ARHGEF19: variants seen among roughly 807,000 people sequenced by gnomAD.
ARHGEF19 encodes the protein Rho guanine nucleotide exchange factor (GEF) 19.
A neutral mutation model predicts 87.6 loss-of-function variants in ARHGEF19; 92 were observed. That is an observed-to-expected ratio of 1.05 (90% CI 0.89 to 1.25). The LOEUF (loss-of-function observed/expected upper bound fraction) is 1.25, where lower values mean the gene tolerates loss of function less well. Ranked by LOEUF, ARHGEF19 falls within the 50% of genes most tolerant of loss-of-function variation. ARHGEF19 has a pLI of 0.00. For synonymous variants in ARHGEF19, 438 were observed against 446.2 expected (o/e 0.98, Z 0.23); for missense variants, 1,054 against 1,051.8 (o/e 1.00, Z -0.03).
Position 16,199,161 on chromosome 1 carries a change from C to T in ARHGEF19, c.2240G>A (p.Trp747Ter), listed in dbSNP as rs1364428414. 8 of 1,613,918 alleles carry T rather than the reference C, an allele frequency of 5.0e-6. No individual in the cohort carries two copies. The South Asian group carries it at 7.7e-5, about 16-fold the overall frequency. Reference sequence around the variant, plus strand: ...GGAGGCCCCCTCACCGTCACTGGTCCAGGTCCTCACTGACAGGATGTCAGT... The same window carrying T: ...GGAGGCCCCCTCACCGTCACTGGTCTAGGTCCTCACTGACAGGATGTCAGT... ...EKTDILSVRTWTSDGWLEGVR... is the reference protein window; with the variant it reads ...EKTDILSVRT The change falls in exon 15 of 16, where the codon TGG (tryptophan) becomes TAG (stop). Residue 747 changes from tryptophan (W) to a stop codon, truncating the protein, a stop_gained. Coordinates refer to ENST00000270747, the MANE Select transcript of ARHGEF19 (RefSeq NM_153213.5). LOFTEE classifies it high-confidence loss of function.
At chr1:16,203,963 A>G (rs1390427553) in intron 12 of ARHGEF19, among the ~76,000 whole-genome samples, 1 of 152,236 alleles carries the variant, frequency 6.6e-6, no homozygotes, top group Admixed American at 6.5e-5. Context: ...TACAGAACAG[A>G]GATTCAGTGA....
In ARHGEF19 at chr1:16,206,938, G is replaced by T; in HGVS notation, c.1137+10C>A. 3 of 1,364,684 alleles carry T rather than the reference G, an allele frequency of 2.2e-6. No homozygotes were observed. The highest frequency in any genetic ancestry group is 2.8e-6 in the Non-Finnish European group (3 of 1,059,248). 84.5% of individuals were successfully genotyped at this position (1,364,684 alleles called of 1,614,324 possible). On this transcript the variant is annotated intron_variant, in intron 6 of 15. Transcript: ENST00000270747. The surrounding 1 kb of genome is among the most constrained non-coding windows in gnomAD (Gnocchi z 4.6). ...CGCCCCCGCCCCGCCGGGTCCCCGCGCGCGCCCACCTCCTGCAGCTTGCAG... is the reference window on the plus strand; with the variant it reads ...CGCCCCCGCCCCGCCGGGTCCCCGCTCGCGCCCACCTCCTGCAGCTTGCAG...
At chr1:16,203,466 C>A (rs1204243084) in intron 12 of ARHGEF19, among the ~76,000 whole-genome samples, 1 of 152,162 alleles carries the variant, frequency 6.6e-6, no homozygotes, top group Non-Finnish European at 1.5e-5. Flanking sequence ...CTCTCCTGAG[C>A]AACTGCAAGA....
At chr1:16,210,425 A>T (rs2081188821) in intron 1 of ARHGEF19, among the ~76,000 whole-genome samples, 1 of 152,232 alleles carries the variant, frequency 6.6e-6, no homozygotes, top group African/African-American at 2.4e-5. Context: ...GAGCCAGGAA[A>T]TGAAGACTGA....
intron 14 of ARHGEF19, among the ~76,000 whole-genome samples, chr1:16,199,979 A>G (rs1340600567): frequency 6.6e-6 from 1 of 152,110 alleles, no homozygotes; most frequent in South Asian, 2.1e-4. Context: ...TCCTTCTGCC[A>G]GATGCTCTTC....
rs756420038 is a variant in ARHGEF19 at position 16,202,423 on chromosome 1, G to A, written c.2059C>T (p.Arg687Trp). ...ATATCCAGGCCCACTCACTCCGTCC[G>A]GGCCCGCAGCAGGAACTGGTGCTTC... is the stretch of plus-strand genomic sequence containing the variant. ...HMKHQFLLRA[R>W]TESEKQRWIS... The change falls in exon 13 of 16, where the codon CGG becomes TGG. Residue 687 changes from arginine to tryptophan, a missense_variant. Transcript: ENST00000270747. 1.1e-5 allele frequency: 17 copies of A among 1,612,578 alleles called. No homozygotes were observed. The highest frequency in any genetic ancestry group is 1.7e-4 in the Middle Eastern group (1 of 5,974).
rs2081125656 is a variant in ARHGEF19 at position 16,205,754 on chromosome 1, GC to G, written c.1452-88del. 4.0e-6 allele frequency: 6 copies of G among 1,511,964 alleles called. No individual in the cohort carries two copies. The South Asian group carries it at 6.3e-5, about 16-fold the overall frequency. 93.7% of individuals were successfully genotyped at this position (1,511,964 alleles called of 1,614,324 possible). Reference sequence around the variant, plus strand: ...TGGCCATCCACGGGGTCCTCAGGGGGCTTCTCAGCACATCCTTACTGCCCTT... The same window carrying G: ...TGGCCATCCACGGGGTCCTCAGGGGGTTCTCAGCACATCCTTACTGCCCTT... On this transcript the variant is annotated intron_variant, in intron 8 of 15. Transcript: ENST00000270747. This position sits in a 1 kb window ranked among gnomAD's most constrained non-coding sequence, Gnocchi z 5.8.
Position 16,206,506 on chromosome 1 carries a change from G to A in ARHGEF19, c.1138-166C>T. ...GGCCCGGCGACCCACGTCCCGCCGC[G>A]GGAAATTGTGCAAGCCTTTCCTGTC... On this transcript the variant is annotated intron_variant, in intron 6 of 15. Transcript: ENST00000270747. The surrounding 1 kb of genome is among the most constrained non-coding windows in gnomAD (Gnocchi z 4.6). 1 of 715,952 alleles carries A rather than the reference G, an allele frequency of 1.4e-6. No homozygotes were observed. The highest frequency in any genetic ancestry group is 2.4e-6 in the Non-Finnish European group (1 of 424,856). The allele number at this position is 715,952 out of a possible 1,614,324, so 44.3% of individuals were successfully genotyped here. A position where few individuals can be genotyped will look rare whatever the true frequency, so the allele number is the denominator to read the frequency against.
intron 14 of ARHGEF19, among the ~76,000 whole-genome samples, chr1:16,200,619 C>T (rs2081076753): frequency 6.6e-6 from 1 of 152,186 alleles, no homozygotes. Flanking sequence ...TGGCAGGCGC[C>T]TATAATCCCA....
chr1:16,209,909 G>A (rs1219103539), intron 1 of ARHGEF19, among the ~76,000 whole-genome samples: 2 of 152,240 alleles, frequency 1.3e-5, no homozygotes, highest in African/African-American at 2.4e-5. Flanking sequence ...GGGCCTTCTC[G>A]AAGTTCAAAG....
chr1:16,202,394 T>C (rs764613349), intron 13 of ARHGEF19, 22 bp downstream of exon 13: 43 of 1,589,168 alleles, frequency 2.7e-5, no homozygotes, highest in Non-Finnish European at 3.7e-5. Flanking sequence ...GCCTCCTCTC[T>C]CCCATATCCA....
At chr1:16,203,656 G>T (rs769896012) in intron 12 of ARHGEF19, among the ~76,000 whole-genome samples, 1 of 151,996 alleles carries the variant, frequency 6.6e-6, no homozygotes, top group Non-Finnish European at 1.5e-5. Flanking sequence ...GCCACATTAG[G>T]CTTCATGATT....
intron 14 of ARHGEF19, among the ~76,000 whole-genome samples, chr1:16,200,239 G>A (rs953706298): frequency 3.3e-5 from 5 of 152,240 alleles, no homozygotes; most frequent in African/African-American, 1.2e-4. Flanking sequence ...CTTACTGGCT[G>A]TGTGACCAAT....
At chr1:16,202,926 G>C (rs555041536) in intron 12 of ARHGEF19, among the ~76,000 whole-genome samples, 1 of 152,142 alleles carries the variant, frequency 6.6e-6, no homozygotes, top group East Asian at 1.9e-4. Context: ...TCCCAGGCTG[G>C]AGTGCAGTGG....
Position 16,206,888 on chromosome 1 carries a change from TCCCCGGACCGCGTACTCCCCGGCCCGC to T in ARHGEF19, c.1137+33_1137+59del. 5 of 1,398,408 alleles carry T rather than the reference TCCCCGGACCGCGTACTCCCCGGCCCGC, an allele frequency of 3.6e-6. No individual in the cohort carries two copies. Among genetic ancestry groups the T allele is most frequent in the Non-Finnish European group, 4.6e-6 (5 of 1,086,132 alleles). The allele number at this position is 1,398,408 out of a possible 1,614,324, so 86.6% of individuals were successfully genotyped here. On this transcript the variant is annotated intron_variant, in intron 6 of 15. Coordinates refer to ENST00000270747, the MANE Select transcript of ARHGEF19 (RefSeq NM_153213.5). This position sits in a 1 kb window ranked among gnomAD's most constrained non-coding sequence, Gnocchi z 4.6. The stretch of plus-strand genomic sequence containing the variant: ...CCTCTATGGCCCGGTTCCCGCTAAG[TCCCCGGACCGCGTACTCCCCGGCCCGC>T]CCCCGCCCCGCCGGGTCCCCGCGCG...
intron 12 of ARHGEF19, among the ~76,000 whole-genome samples, chr1:16,203,130 A>T (rs1382878118): frequency 6.6e-6 from 1 of 152,148 alleles, no homozygotes; most frequent in Non-Finnish European, 1.5e-5. Context: ...TCAGTGTCTG[A>T]TGATACTGCC....
In ARHGEF19 at chr1:16,206,301, GGAT is replaced by G; in HGVS notation, c.1174_1176del (p.Ile392del). On this transcript the variant is annotated inframe_deletion, in exon 7 of 16. Transcript: ENST00000270747. The surrounding 1 kb of genome is among the most constrained non-coding windows in gnomAD (Gnocchi z 4.6). Reference sequence around the variant, plus strand: ...TGGCCCACAGCCACCGACAGGCTGTGGATGTAGGAGGCCTCGGAGGTGATCAGC... The same window carrying G: ...TGGCCCACAGCCACCGACAGGCTGTGGTAGGAGGCCTCGGAGGTGATCAGC... 1 of 1,582,682 alleles carries G rather than the reference GGAT, an allele frequency of 6.3e-7. No homozygotes were observed. Among genetic ancestry groups the G allele is most frequent in the Non-Finnish European group, 8.6e-7 (1 of 1,164,994 alleles).
At position 16,205,004 on chromosome 1, in the gene ARHGEF19, T is replaced by C; in HGVS notation, c.1746+83A>G. The C allele has an allele frequency of 3.8e-6, 6 of 1,562,278 alleles. No homozygotes were observed. The highest frequency in any genetic ancestry group is 3.8e-5 in the Admixed American group (2 of 51,980). On this transcript the variant is annotated intron_variant, in intron 11 of 15. Coordinates refer to ENST00000270747, the MANE Select transcript of ARHGEF19 (RefSeq NM_153213.5). This position sits in a 1 kb window ranked among gnomAD's most constrained non-coding sequence, Gnocchi z 5.8. ...GTAGATGGGAGGGTGTGGGCAGCGA[T>C]TAACTGGCCTGAAGCCCCCAGGGCA... is the stretch of plus-strand genomic sequence containing the variant.
rs1214095378 is a variant in ARHGEF19, at chr1:16,208,110, G to C, written c.528C>G (p.Pro176=). The change falls in exon 3 of 16, where the codon CCC becomes CCG. Residue 176 remains proline (P), a synonymous_variant. Transcript: ENST00000270747. ...GGGTGGACCCAGACAACTCCACCCT[G>C]GGCTCCTCTGTGCTCAGGGCCTGCT... is the stretch of plus-strand genomic sequence containing the variant. ...VQEQALSTEE[P]RVELSGSTRV... 3.1e-6 allele frequency: 5 copies of C among 1,614,078 alleles called. No homozygotes were observed. In the South Asian group the frequency reaches 5.5e-5, roughly 18 times the overall value.
Sources: allele counts gnomAD v4.1 joint callset (sites outside exome capture counted in the v4.1 genomes callset), GRCh38; gene constraint gnomAD v4.1.1; non-coding constraint Gnocchi (gnomAD v3.1); transcripts MANE v1.5; gene names NCBI Gene and HGNC (gene_info 2026-07-23, HGNC 2026-07-21).